XYLB: variants seen among roughly 807,000 people sequenced by gnomAD.
The protein encoded by XYLB is xylulokinase.
A neutral mutation model predicts 78.7 loss-of-function variants in XYLB; 62 were observed. The ratio of observed to expected loss-of-function variants is 0.79; its 90% CI spans 0.64 to 0.97. The LOEUF is 0.97. XYLB is among the 50% of genes least tolerant of loss of function. XYLB has a pLI of 0.00. For missense variants in XYLB, 687 were observed against 676.8 expected (o/e 1.02, Z -0.17); for synonymous variants, 245 against 247.4 (o/e 0.99, Z 0.09).
intron 9 of XYLB, 112 bp downstream of exon 9, chr3:38,370,286 T>A: frequency 3.8e-6 from 2 of 530,752 alleles, no homozygotes; most frequent in Non-Finnish European, 6.4e-6. Flanking sequence ...CACCCTTATT[T>A]GTTCACTCAC....
At chr3:38,368,513 A>T (rs1449021908) in intron 8 of XYLB, among the ~76,000 whole-genome samples, 1 of 152,314 alleles carries the variant, frequency 6.6e-6, no homozygotes, top group African/African-American at 2.4e-5. Context: ...GCTTGGAGGT[A>T]CTGGTTCGGG....
intron 15 of XYLB, 130 bp downstream of exon 15, chr3:38,379,472 G>A (rs972171319): frequency 5.6e-5 from 46 of 826,036 alleles, no homozygotes; most frequent in South Asian, 2.2e-4. Flanking sequence ...GAGGGAGGTG[G>A]AGCCTGACCT....
At chr3:38,386,235 G>A (rs558356631) in intron 15 of XYLB, among the ~76,000 whole-genome samples, 295 of 151,954 alleles carry the variant, frequency 1.9e-3, no homozygotes, top group African/African-American at 6.5e-3. Flanking sequence ...TCTCTGTGTC[G>A]TCTCTCCAGC....
Position 38,414,122 on chromosome 3 carries a change from C to T in XYLB, c.*1109C>T, listed in dbSNP as rs575120427. On this transcript the variant is annotated 3_prime_UTR_variant, in exon 19 of 19. Transcript: ENST00000207870. ...TCTTCCAGATTTTTCTGCCCAAGGC[C>T]TTTACTGAGCTCAGGACTCCAGCTA... 37 of 152,290 alleles carry T rather than the reference C, an allele frequency of 2.4e-4. No homozygotes were observed. The highest frequency in any genetic ancestry group is 1.8e-3 in the Admixed American group (28 of 15,302). The allele number at this position is 152,290 out of a possible 1,614,324, so 9.4% of individuals were successfully genotyped here.
At chr3:38,449,464 TC>T in the XYLB span, among the ~76,000 whole-genome samples, 1 of 152,158 alleles carries the variant, frequency 6.6e-6, no homozygotes, top group Non-Finnish European at 1.5e-5. Flanking sequence ...CACTATGTTG[TC>T]CAGGCTAGTC....
chr3:38,422,943 A>C (rs1439993921), downstream of XYLB, among the ~76,000 whole-genome samples: 1 of 152,178 alleles, frequency 6.6e-6, no homozygotes, highest in Non-Finnish European at 1.5e-5. Context: ...CAAGTAAGCC[A>C]ATTTGGATAG....
exon 18 of XYLB, among the ~76,000 whole-genome samples, chr3:38,420,081 G>A (rs1052515998): frequency 6.6e-6 from 1 of 152,150 alleles, no homozygotes; most frequent in Non-Finnish European, 1.5e-5. Context: ...GCCTCCCAAA[G>A]TGCTGGAATT....
At chr3:38,450,859 G>T in the XYLB span, among the ~76,000 whole-genome samples, 1 of 152,194 alleles carries the variant, frequency 6.6e-6, no homozygotes, top group Non-Finnish European at 1.5e-5. Flanking sequence ...AGACAATGTT[G>T]CAGTAGTGTA....
downstream of XYLB, among the ~76,000 whole-genome samples, chr3:38,426,086 T>C (rs1709094229): frequency 6.6e-6 from 1 of 152,226 alleles, no homozygotes; most frequent in Non-Finnish European, 1.5e-5. Flanking sequence ...TTAATTTTAA[T>C]CATTATGGGA....
chr3:38,397,150 G>C lies in XYLB; in HGVS notation c.1429G>C (p.Ala477Pro). The C allele has an allele frequency of 6.2e-7, 1 of 1,614,090 alleles. No individual in the cohort carries two copies. The highest frequency in any genetic ancestry group is 1.1e-5 in the South Asian group (1 of 91,080). The stretch of plus-strand genomic sequence containing the variant: ...GGCCTGTGTGGGTTCTGCATACCGA[G>C]CTTTTCATGGTAGGTTGATGGAGGG... ...NSACVGSAYR[A>P]FHGLAGGTDV... Residue 477 changes from alanine to proline, a missense_variant, in exon 17 of 19, where the codon GCT becomes CCT. Ala to Pro is a conservative substitution (Grantham distance 27). Coordinates refer to ENST00000207870, the MANE Select transcript of XYLB (RefSeq NM_005108.4).
intron 2 of XYLB, chr3:38,355,929 A>G (rs575269508): frequency 1.8e-4 from 109 of 614,254 alleles, no homozygotes; most frequent in Non-Finnish European, 3.1e-4. Context: ...TAACTAATAT[A>G]ATTTTTTCCC....
At chr3:38,397,251 A>G in intron 17 of XYLB, 92 bp downstream of exon 17, 1 of 1,222,870 alleles carries the variant, frequency 8.2e-7, no homozygotes, top group African/African-American at 1.5e-5. Flanking sequence ...AGGTGTACCC[A>G]GTCTTTGGGG....
At chr3:38,360,259 T>A (rs1279085120) in intron 2 of XYLB, 80 bp from the exon 3 acceptor site, 3 of 1,326,550 alleles carry the variant, frequency 2.3e-6, no homozygotes, top group Non-Finnish European at 3.3e-6. Context: ...TCCAGAGTCA[T>A]CCACCATAGG....
chr3:38,413,367 G>A lies in XYLB; in HGVS notation c.*354G>A, dbSNP rs573415434. On this transcript the variant is annotated 3_prime_UTR_variant, in exon 19 of 19. Coordinates refer to ENST00000207870, the MANE Select transcript of XYLB (RefSeq NM_005108.4). Reference sequence around the variant, plus strand: ...TCTAGGGACTCAAATCAGCAGAATGGGGGAGACAAAGCCCGGTCTCACCCC... The same window carrying A: ...TCTAGGGACTCAAATCAGCAGAATGAGGGAGACAAAGCCCGGTCTCACCCC... 4.9e-6 allele frequency: 1 copy of A among 202,580 alleles called. No individual in the cohort carries two copies. The highest frequency in any genetic ancestry group is 2.3e-5 in the African/African-American group (1 of 43,144). 12.5% of individuals were successfully genotyped at this position (202,580 alleles called of 1,614,324 possible).
At chr3:38,372,845 A>C in intron 10 of XYLB, 109 bp downstream of exon 10, 1 of 1,150,614 alleles carries the variant, frequency 8.7e-7, no homozygotes, top group South Asian at 1.3e-5. Context: ...GTCATTCCTC[A>C]CCACCCCCAC....
chr3:38,428,919 G>A, the XYLB span, among the ~76,000 whole-genome samples: 1 of 152,126 alleles, frequency 6.6e-6, no homozygotes, highest in Non-Finnish European at 1.5e-5. Flanking sequence ...CTCTGTGATG[G>A]ATAATGTTAA....
intron 15 of XYLB, among the ~76,000 whole-genome samples, chr3:38,389,421 G>A (rs1318595851): frequency 6.6e-6 from 1 of 151,586 alleles, no homozygotes; most frequent in Non-Finnish European, 1.5e-5. Flanking sequence ...CCACAAAACC[G>A]CCATCGTCAT....
At chr3:38,368,056 CT>C in intron 7 of XYLB, 128 bp from the exon 8 acceptor site, 1 of 807,086 alleles carries the variant, frequency 1.2e-6, no homozygotes, top group Non-Finnish European at 2.1e-6. Context: ...TCCACCATTA[CT>C]TGGGCCTTTT....
chr3:38,424,031 C>G (rs1386623010), downstream of XYLB, among the ~76,000 whole-genome samples: 2 of 152,206 alleles, frequency 1.3e-5, no homozygotes, highest in Non-Finnish European at 2.9e-5. Context: ...CATGAGTAAT[C>G]TCTTTTCTAT....
Sources: gnomAD v4.1 joint callset for allele counts (sites outside exome capture counted in the v4.1 genomes callset) on GRCh38, gnomAD v4.1.1 for gene constraint, MANE v1.5 for transcripts, NCBI Gene and HGNC (gene_info 2026-07-23, HGNC 2026-07-21) for gene names.